DPYD: variants seen among roughly 807,000 people sequenced by gnomAD.
The protein encoded by DPYD is dihydropyrimidine dehydrogenase [NADP(+)].
In DPYD, 109 loss-of-function variants were observed where a neutral mutation model predicts 116.2. That is an observed-to-expected ratio of 0.94 (90% CI 0.80 to 1.10). The LOEUF is 1.10. Ranked by LOEUF, DPYD falls within the 50% of genes least tolerant of loss-of-function variation. The pLI is 0.00. For synonymous variants in DPYD, 440 were observed against 432.0 expected, an observed-to-expected ratio of 1.02 and a Z score of -0.23; for missense variants, 1,302 against 1,254.5, an observed-to-expected ratio of 1.04 and a Z score of -0.57.
intron 13 of DPYD, among the ~76,000 whole-genome samples, chr1:97,508,316 A>G (rs1252026019): frequency 6.6e-6 from 1 of 151,936 alleles, no homozygotes; most frequent in African/African-American, 2.4e-5. Context: ...AATATCTGAG[A>G]GAAGAGCATT....
chr1:97,406,857 T>A (rs1346241672), intron 14 of DPYD, among the ~76,000 whole-genome samples: 1 of 152,160 alleles, frequency 6.6e-6, no homozygotes, highest in Non-Finnish European at 1.5e-5. Flanking sequence ...GTAAGTCAAC[T>A]AAAGTCATAA....
intron 13 of DPYD, among the ~76,000 whole-genome samples, chr1:97,476,963 C>A (rs1678002186): frequency 6.6e-6 from 1 of 152,126 alleles, no homozygotes; most frequent in African/African-American, 2.4e-5. Context: ...CTAAAAACTG[C>A]TAATGATCAT....
intron 19 of DPYD, among the ~76,000 whole-genome samples, chr1:97,199,406 GGA>G (rs1397032220): frequency 6.6e-6 from 1 of 151,948 alleles, no homozygotes; most frequent in Non-Finnish European, 1.5e-5. Flanking sequence ...ACTTAAAAAT[GGA>G]GATTAAATAC....
At chr1:97,193,303 C>CA in intron 19 of DPYD, 55 bp from the exon 20 acceptor site, 2 of 1,547,616 alleles carry the variant, frequency 1.3e-6, no homozygotes, top group Non-Finnish European at 8.8e-7. Flanking sequence ...ATTCTCCAAA[C>CA]AAATTCACTT....
chr1:97,345,414 C>T (rs1437024200), intron 16 of DPYD, among the ~76,000 whole-genome samples: 2 of 151,850 alleles, frequency 1.3e-5, no homozygotes, highest in Non-Finnish European at 2.9e-5. Flanking sequence ...AATGTTCATT[C>T]ACAACTATGC....
At chr1:97,842,273 G>A (rs1218574703) in intron 2 of DPYD, among the ~76,000 whole-genome samples, 1 of 151,834 alleles carries the variant, frequency 6.6e-6, no homozygotes, top group African/African-American at 2.4e-5. Flanking sequence ...TAGCTATATT[G>A]TTATCCTTGT....
chr1:97,776,342 T>G (rs1666406587), intron 3 of DPYD, among the ~76,000 whole-genome samples: 1 of 152,220 alleles, frequency 6.6e-6, no homozygotes. Context: ...TTTCATGAAC[T>G]GTGCTGAAGT....
At chr1:97,569,569 C>T (rs998552752) in intron 11 of DPYD, among the ~76,000 whole-genome samples, 4 of 151,674 alleles carry the variant, frequency 2.6e-5, no homozygotes, top group Admixed American at 2.6e-4. Flanking sequence ...TGTGCTTAAT[C>T]TCCTGATAGC....
intron 5 of DPYD, among the ~76,000 whole-genome samples, chr1:97,713,972 A>T (rs1355983159): frequency 1.3e-5 from 2 of 152,140 alleles, no homozygotes; most frequent in Non-Finnish European, 2.9e-5. Context: ...GCAAAAAGTT[A>T]TTAGCTATAT....
intron 7 of DPYD, among the ~76,000 whole-genome samples, chr1:97,684,098 G>T (rs1240330731): frequency 6.6e-6 from 1 of 152,028 alleles, no homozygotes; most frequent in Non-Finnish European, 1.5e-5. Context: ...TTTTTCTCTT[G>T]CTTGTCTAGT....
At chr1:97,578,547 G>A (rs1041891113) in intron 10 of DPYD, among the ~76,000 whole-genome samples, 1 of 151,986 alleles carries the variant, frequency 6.6e-6, no homozygotes, top group African/African-American at 2.4e-5. Flanking sequence ...ATACACTAAG[G>A]GATGAAAAAA....
intron 14 of DPYD, among the ~76,000 whole-genome samples, chr1:97,393,411 T>G (rs1357338218): frequency 3.3e-5 from 5 of 152,064 alleles, no homozygotes; most frequent in Non-Finnish European, 5.9e-5. Context: ...GTCATTTACA[T>G]TAGGTATATC....
intron 18 of DPYD, among the ~76,000 whole-genome samples, chr1:97,271,054 A>G (rs925979028): frequency 1.3e-5 from 2 of 152,230 alleles, no homozygotes; most frequent in African/African-American, 2.4e-5. Context: ...CATCAAAGGA[A>G]GCATCAAATT....
At chr1:97,358,594 G>A (rs867293349) in intron 16 of DPYD, among the ~76,000 whole-genome samples, 13 of 152,110 alleles carry the variant, frequency 8.5e-5, no homozygotes, top group Non-Finnish European at 1.0e-4. Context: ...CCTCTGGGAC[G>A]AAGCTTCCAG....
chr1:97,892,713 CT>C (rs915266821), intron 1 of DPYD, among the ~76,000 whole-genome samples: 1 of 151,768 alleles, frequency 6.6e-6, no homozygotes, highest in Non-Finnish European at 1.5e-5. Flanking sequence ...ACTTATCATA[CT>C]TTTTTTCCCA....
At chr1:97,770,223 C>A (rs1023710821) in intron 3 of DPYD, among the ~76,000 whole-genome samples, 1 of 152,034 alleles carries the variant, frequency 6.6e-6, no homozygotes, top group African/African-American at 2.4e-5. Context: ...ACCATCGCAA[C>A]AATTAATTCA....
At chr1:97,459,256 G>T (rs968318255) in intron 13 of DPYD, among the ~76,000 whole-genome samples, 1 of 152,066 alleles carries the variant, frequency 6.6e-6, no homozygotes, top group Non-Finnish European at 1.5e-5. Flanking sequence ...GCAAACAAAT[G>T]TGATGCAAAA....
At chr1:97,414,688 T>C (rs1387054522) in intron 14 of DPYD, among the ~76,000 whole-genome samples, 1 of 152,250 alleles carries the variant, frequency 6.6e-6, no homozygotes, top group Non-Finnish European at 1.5e-5. Flanking sequence ...GAAGAGATTG[T>C]ATTCTTCACT....
At chr1:97,154,709 A>T (rs1300837810) in intron 20 of DPYD, among the ~76,000 whole-genome samples, 1 of 147,308 alleles carries the variant, frequency 6.8e-6, no homozygotes, top group Non-Finnish European at 1.5e-5. Flanking sequence ...TCCATCTCAA[A>T]AAAAAAAAAA....
Sources: gnomAD v4.1 joint callset for allele counts (sites outside exome capture counted in the v4.1 genomes callset) on GRCh38, gnomAD v4.1.1 for gene constraint, MANE v1.5 for transcripts, NCBI Gene and HGNC (gene_info 2026-07-23, HGNC 2026-07-21) for gene names.